Variants in NBAS observed in about 807,000 individuals in gnomAD.
NBAS encodes the protein NBAS subunit of NRZ tethering complex, also known as NAG/BC035112 fusion.
A neutral mutation model predicts 302.5 loss-of-function variants in NBAS; 219 were observed. The observed-to-expected ratio is 0.72, with a 90% confidence interval of 0.65 to 0.81. The LOEUF is 0.81. NBAS is among the 30% of genes least tolerant of loss of function. The pLI is 0.00. For missense variants in NBAS, 2,932 were observed against 2,841.6 expected (o/e 1.03, Z -0.72); for synonymous variants, 1,118 against 1,021.6 (o/e 1.09, Z -1.80).
intron 30 of NBAS, among the ~76,000 whole-genome samples, chr2:15,379,040 A>C (rs1674894894): frequency 6.6e-6 from 1 of 152,130 alleles, no homozygotes; most frequent in Non-Finnish European, 1.5e-5. Flanking sequence ...ACGAGAACTC[A>C]GGTCATGAAC....
At chr2:15,309,334 T>G in intron 38 of NBAS, 87 bp from the exon 39 acceptor site, 1 of 1,129,932 alleles carries the variant, frequency 8.9e-7, no homozygotes. Flanking sequence ...CCCCATAAGA[T>G]TTCAACAAAT....
chr2:14,982,265 C>T, the NBAS span, among the ~76,000 whole-genome samples: 1 of 152,270 alleles, frequency 6.6e-6, no homozygotes, highest in South Asian at 2.1e-4. Flanking sequence ...CACTCAAGCC[C>T]CAAGATGACT....
chr2:15,221,712 A>G (rs1353853250), intron 47 of NBAS, among the ~76,000 whole-genome samples: 1 of 152,210 alleles, frequency 6.6e-6, no homozygotes, highest in Non-Finnish European at 1.5e-5. Flanking sequence ...AATATAATCC[A>G]GACAGAGAAC....
At chr2:15,452,587 CAA>C (rs746981808) in intron 21 of NBAS, among the ~76,000 whole-genome samples, 15 of 75,930 alleles carry the variant, frequency 2.0e-4, no homozygotes, top group Admixed American at 3.0e-4. Flanking sequence ...GACTCTGTCT[CAA>C]AAAAAAAAAA....
chr2:15,019,044 A>C, the NBAS span, among the ~76,000 whole-genome samples: 2 of 152,230 alleles, frequency 1.3e-5, no homozygotes, highest in African/African-American at 4.8e-5. Context: ...AGAATAGTCC[A>C]GTTCAAAACA....
intron 39 of NBAS, among the ~76,000 whole-genome samples, 159 bp from the exon 40 acceptor site, chr2:15,308,512 C>A (rs1012671110): frequency 2.6e-5 from 4 of 152,146 alleles, no homozygotes; most frequent in African/African-American, 9.7e-5. Context: ...TATTAAAAAT[C>A]ACAAGGCACT....
chr2:14,948,191 G>A, the NBAS span, among the ~76,000 whole-genome samples: 1 of 151,916 alleles, frequency 6.6e-6, no homozygotes, highest in African/African-American at 2.4e-5. Flanking sequence ...GTTCTTGTCT[G>A]GTTTTAATAT....
At chr2:14,990,102 CT>C in the NBAS span, among the ~76,000 whole-genome samples, 1 of 151,630 alleles carries the variant, frequency 6.6e-6, no homozygotes, top group African/African-American at 2.4e-5. Context: ...GACCCCATTT[CT>C]CATTGTAATC....
intron 21 of NBAS, among the ~76,000 whole-genome samples, chr2:15,452,093 T>C (rs1679043999): frequency 1.3e-5 from 2 of 151,236 alleles, no homozygotes; most frequent in Non-Finnish European, 2.9e-5. Flanking sequence ...AAAGCAGAAA[T>C]GTGGTTGCCA....
At chr2:14,832,478 G>T in the NBAS span, among the ~76,000 whole-genome samples, 2 of 152,016 alleles carry the variant, frequency 1.3e-5, no homozygotes, top group Non-Finnish European at 2.9e-5. Context: ...AAAATTCAGG[G>T]ATCTGTGAGC....
chr2:15,110,083 T>C, the NBAS span, among the ~76,000 whole-genome samples: 7 of 152,132 alleles, frequency 4.6e-5, no homozygotes, highest in African/African-American at 1.7e-4. Context: ...ATGAAAATAA[T>C]AGAGGTCAAT....
the NBAS span, among the ~76,000 whole-genome samples, chr2:14,928,260 G>A: frequency 2.0e-5 from 3 of 152,272 alleles, no homozygotes; most frequent in South Asian, 6.2e-4. Flanking sequence ...GATTCCAAAT[G>A]CAAGCCTAGT....
At chr2:15,220,182 AC>A (rs1197540886) in intron 47 of NBAS, among the ~76,000 whole-genome samples, 2 of 104,490 alleles carry the variant, frequency 1.9e-5, no homozygotes, top group Non-Finnish European at 4.0e-5. Context: ...CGGGGGGCTG[AC>A]CCCCCCACCT....
intron 9 of NBAS, among the ~76,000 whole-genome samples, chr2:15,532,679 T>C (rs1164306978): frequency 2.0e-5 from 3 of 152,038 alleles, no homozygotes; most frequent in African/African-American, 7.2e-5. Flanking sequence ...AAGCTTTTTA[T>C]TTAAATGTAT....
chr2:14,841,225 A>G, the NBAS span, among the ~76,000 whole-genome samples: 1 of 151,912 alleles, frequency 6.6e-6, no homozygotes, highest in Non-Finnish European at 1.5e-5. Context: ...ATTAAAATAT[A>G]TTCCCAGAGA....
At chr2:15,410,274 T>G (rs1676619981) in intron 25 of NBAS, among the ~76,000 whole-genome samples, 1 of 152,216 alleles carries the variant, frequency 6.6e-6, no homozygotes, top group Admixed American at 6.5e-5. Flanking sequence ...GTAGAAAGTT[T>G]GTGAATTCTA....
intron 35 of NBAS, among the ~76,000 whole-genome samples, chr2:15,335,174 TAAAAAAAAAA>T (rs34790746): frequency 1.9e-3 from 221 of 117,282 alleles, no homozygotes; most frequent in South Asian, 0.013. Context: ...TCATCTCTCT[TAAAAAAAAAA>T]AAAAAAAAAA....
the NBAS span, among the ~76,000 whole-genome samples, chr2:14,955,667 G>A: frequency 5.7e-4 from 87 of 152,360 alleles, no homozygotes; most frequent in African/African-American, 2.0e-3. Context: ...AAGCTGCCCA[G>A]GCTTGGGGCT....
the NBAS span, among the ~76,000 whole-genome samples, chr2:15,092,086 C>T: frequency 6.6e-6 from 1 of 152,150 alleles, no homozygotes; most frequent in Non-Finnish European, 1.5e-5. Context: ...GAAACTGAGG[C>T]CCTGGTCACA....
Sources: gnomAD v4.1 joint callset for allele counts (sites outside exome capture counted in the v4.1 genomes callset) on GRCh38, gnomAD v4.1.1 for gene constraint, MANE v1.5 for transcripts, NCBI Gene and HGNC (gene_info 2026-07-23, HGNC 2026-07-21) for gene names.